TNIK: variants seen among roughly 807,000 people sequenced by gnomAD.
The protein encoded by TNIK is TRAF2 and NCK interacting kinase.
TNIK carries 49 observed loss-of-function variants against 191.3 expected under a neutral mutation model. The observed-to-expected ratio is 0.26, with a 90% CI of 0.20 to 0.32. The LOEUF is 0.32. Among genes scored for constraint, TNIK ranks in the 10% least tolerant of loss-of-function variants. The pLI is 1.00. For missense variants in TNIK, 1,155 were observed against 1,702.3 expected (o/e 0.68, Z 5.66); for synonymous variants, 594 against 600.9 (o/e 0.99, Z 0.17).
At chr3:171,308,958 A>G (rs180709226) in intron 2 of TNIK, among the ~76,000 whole-genome samples, 3 of 152,312 alleles carry the variant, frequency 2.0e-5, no homozygotes, top group Non-Finnish European at 2.9e-5. Context: ...GGAAATGTAA[A>G]TTCATTTTGC....
chr3:171,294,989 A>G (rs1172051148), intron 2 of TNIK, among the ~76,000 whole-genome samples: 1 of 148,280 alleles, frequency 6.7e-6, no homozygotes, highest in African/African-American at 2.5e-5. Context: ...ATCACTTTGA[A>G]TAGGTCTGGC....
At chr3:171,333,443 G>A (rs1311307607) in intron 2 of TNIK, among the ~76,000 whole-genome samples, 2 of 151,938 alleles carry the variant, frequency 1.3e-5, no homozygotes, top group Non-Finnish European at 2.9e-5. Context: ...TGTAATCCCA[G>A]CTACTCAGGA....
At chr3:171,287,897 A>G in intron 2 of TNIK, among the ~76,000 whole-genome samples, 1 of 151,964 alleles carries the variant, frequency 6.6e-6, no homozygotes, top group East Asian at 1.9e-4. Flanking sequence ...TATTCACAAT[A>G]GCAAAGACTT....
intron 4 of TNIK, among the ~76,000 whole-genome samples, chr3:171,199,846 G>A (rs1404226058): frequency 6.6e-6 from 1 of 152,248 alleles, no homozygotes; most frequent in Non-Finnish European, 1.5e-5. Flanking sequence ...ATGTATTTAT[G>A]ATGTTTCTAT....
chr3:171,168,217 T>C (rs967027059), intron 9 of TNIK, among the ~76,000 whole-genome samples: 5 of 152,208 alleles, frequency 3.3e-5, no homozygotes, highest in South Asian at 4.1e-4. Context: ...GAGTCATCAA[T>C]AATTAAGCTT....
Position 171,329,523 on chromosome 3 carries a change from A to T in TNIK, c.123+40097T>A, listed in dbSNP as rs1431896485. 2.6e-5 allele frequency among the ~76,000 whole-genome samples: 4 copies of T among 152,344 alleles called. No individual in the cohort carries two copies. In the East Asian group the frequency reaches 5.8e-4, roughly 22 times the overall value. On this transcript the variant is annotated intron_variant, in intron 2 of 32. Transcript: ENST00000436636. ...GTTCCCTCACATATAAAATGAGCAT[A>T]AAAATTCCAGCTTTCAGGGTTGTTG...
chr3:171,172,922 T>C (rs945808348), intron 9 of TNIK, among the ~76,000 whole-genome samples: 2 of 152,198 alleles, frequency 1.3e-5, no homozygotes, highest in African/African-American at 2.4e-5. Context: ...AAAATCAGAC[T>C]GCATTGTCCT....
chr3:171,140,751 C>T (rs759655616), intron 12 of TNIK, among the ~76,000 whole-genome samples: 15 of 152,132 alleles, frequency 9.9e-5, no homozygotes, highest in South Asian at 2.1e-4. Flanking sequence ...CTCACCAAGA[C>T]GTTCCTGTTA....
intron 2 of TNIK, among the ~76,000 whole-genome samples, chr3:171,261,007 C>T (rs915014254): frequency 5.3e-5 from 8 of 152,096 alleles, no homozygotes; most frequent in African/African-American, 1.9e-4. Flanking sequence ...AACCTATCAC[C>T]ACTAGCAACA....
rs149521053 is a variant in TNIK, at chr3:171,159,032, C to T, written c.1017-1368G>A. 9.8e-4 allele frequency among the ~76,000 whole-genome samples: 149 copies of T among 152,208 alleles called. No individual in the cohort carries two copies. Among genetic ancestry groups the T allele is most frequent in the African/African-American group, 3.2e-3 (133 of 41,510 alleles). On this transcript the variant is annotated intron_variant, in intron 11 of 32. Coordinates refer to ENST00000436636, the MANE Select transcript of TNIK (RefSeq NM_015028.4). This position sits in a 1 kb window ranked among gnomAD's most constrained non-coding sequence, Gnocchi z 4.1. ...GGTCAGAGAGATAGGTGCGGGGCCGCGACAGCCATGCAGGCACGGGAAGGT... is the reference window on the plus strand; with the variant it reads ...GGTCAGAGAGATAGGTGCGGGGCCGTGACAGCCATGCAGGCACGGGAAGGT...
At chr3:171,358,557 A>G (rs1714500985) in intron 2 of TNIK, among the ~76,000 whole-genome samples, 1 of 152,212 alleles carries the variant, frequency 6.6e-6, no homozygotes, top group Non-Finnish European at 1.5e-5. Flanking sequence ...GGGTAGGGAG[A>G]CAGCCAAACC....
intron 17 of TNIK, among the ~76,000 whole-genome samples, chr3:171,124,058 A>T (rs1166352865): frequency 2.6e-5 from 4 of 152,346 alleles, no homozygotes; most frequent in Admixed American, 1.3e-4. Context: ...TTAGGGTATC[A>T]TTAACTCATT....
At chr3:171,294,892 G>T (rs190676283) in intron 2 of TNIK, among the ~76,000 whole-genome samples, 1 of 152,122 alleles carries the variant, frequency 6.6e-6, no homozygotes, top group African/African-American at 2.4e-5. Flanking sequence ...CGCTACTTGG[G>T]TGTTTCTAGT....
intron 4 of TNIK, among the ~76,000 whole-genome samples, chr3:171,207,025 C>CT (rs61596157): frequency 2.1e-3 from 308 of 147,344 alleles, no homozygotes; most frequent in Middle Eastern, 6.8e-3. Flanking sequence ...TACATTAATG[C>CT]TTTTTTTTTT....
At chr3:171,315,793 CCTCTT>C (rs1754535879) in intron 2 of TNIK, among the ~76,000 whole-genome samples, 1 of 152,110 alleles carries the variant, frequency 6.6e-6, no homozygotes. Context: ...TGTCTTTTCT[CCTCTT>C]CTTATTGAAC....
chr3:171,339,057 C>T (rs751614287), intron 2 of TNIK, among the ~76,000 whole-genome samples: 5 of 152,216 alleles, frequency 3.3e-5, no homozygotes, highest in Non-Finnish European at 5.9e-5. Flanking sequence ...CTTTAACAAA[C>T]CTTTATTAAC....
At chr3:171,141,831 T>C (rs570024913) in intron 12 of TNIK, among the ~76,000 whole-genome samples, 1 of 152,324 alleles carries the variant, frequency 6.6e-6, no homozygotes, top group East Asian at 1.9e-4. Context: ...GGGGGACCAT[T>C]TCCTTGTCAC....
chr3:171,088,626 T>C (rs1721665694), intron 23 of TNIK, among the ~76,000 whole-genome samples: 1 of 152,164 alleles, frequency 6.6e-6, no homozygotes, highest in Admixed American at 6.5e-5. Flanking sequence ...CGCTGTACAG[T>C]TTTTACTGAT....
chr3:171,108,059 A>T lies in TNIK; in HGVS notation c.2382+6T>A. The T allele has an allele frequency of 6.4e-7, 1 of 1,557,736 alleles. No homozygotes were observed. The highest frequency in any genetic ancestry group is 8.7e-7 in the Non-Finnish European group (1 of 1,149,926). On this transcript the variant is annotated splice_donor_region_variant and intron_variant, in intron 20 of 32. Coordinates refer to ENST00000436636, the MANE Select transcript of TNIK (RefSeq NM_015028.4). ...GTTCAAAACTCTTGGAGAGAAAAGCACTCACAGCTGGTCGACTGGGCCGGG... is the reference window on the plus strand; with the variant it reads ...GTTCAAAACTCTTGGAGAGAAAAGCTCTCACAGCTGGTCGACTGGGCCGGG...
Sources: allele counts gnomAD v4.1 joint callset (sites outside exome capture counted in the v4.1 genomes callset), GRCh38; gene constraint gnomAD v4.1.1; non-coding constraint Gnocchi (gnomAD v3.1); transcripts MANE v1.5; gene names NCBI Gene and HGNC (gene_info 2026-07-23, HGNC 2026-07-21).